Variants in TBCK observed in about 807,000 individuals in gnomAD.
The protein encoded by TBCK is TBC1 domain containing kinase.
Under a neutral mutation model 113.4 loss-of-function variants are expected in TBCK, and 99 were observed. The ratio of observed to expected loss-of-function variants is 0.87; its 90% CI spans 0.74 to 1.03. The LOEUF (loss-of-function observed/expected upper bound fraction) is 1.03, where lower values mean the gene tolerates loss of function less well. Among genes scored for constraint, TBCK ranks in the 50% least tolerant of loss-of-function variants. The pLI is 0.00. For synonymous variants in TBCK, 369 were observed against 370.8 expected (o/e 1.00, Z 0.05); for missense variants, 1,045 against 1,061.3 (o/e 0.98, Z 0.21).
At chr4:106,073,128 C>T (rs1248407785) in intron 25 of TBCK, among the ~76,000 whole-genome samples, 4 of 152,276 alleles carry the variant, frequency 2.6e-5, no homozygotes, top group Middle Eastern at 6.8e-3. Context: ...CTCCGTCCAC[C>T]TTTGTTCTGT....
chr4:106,268,545 T>C (rs943393044), intron 3 of TBCK, among the ~76,000 whole-genome samples: 1 of 152,144 alleles, frequency 6.6e-6, no homozygotes, highest in Non-Finnish European at 1.5e-5. Context: ...ATAGAATGTA[T>C]AATCTTTTAG....
chr4:106,269,913 C>G (rs891097669), intron 3 of TBCK, among the ~76,000 whole-genome samples: 2 of 152,152 alleles, frequency 1.3e-5, no homozygotes, highest in African/African-American at 4.8e-5. Context: ...GAGGTTCAGA[C>G]ATAAAGCCAG....
At chr4:106,219,829 T>G (rs1757461016) in intron 19 of TBCK, among the ~76,000 whole-genome samples, 1 of 152,118 alleles carries the variant, frequency 6.6e-6, no homozygotes, top group Non-Finnish European at 1.5e-5. Flanking sequence ...GACAACCTCA[T>G]TTTTTTGAAA....
rs372250603 is a variant in TBCK at position 106,129,250 on chromosome 4, T to C, written c.2236-12872A>G. On this transcript the variant is annotated intron_variant, in intron 23 of 25. Transcript: ENST00000394708. ...CACCTATTGACCCATCACCTAGGTA[T>C]TAAGCCCCATATGCATTAGCTATTT... Among the ~76,000 whole-genome samples the C allele has an allele frequency of 4.6e-5, 7 of 152,174 alleles. No individual in the cohort carries two copies. The East Asian group carries it at 1.3e-3, about 29-fold the overall frequency.
At chr4:106,208,453 T>C (rs1755780520) in intron 20 of TBCK, among the ~76,000 whole-genome samples, 2 of 150,754 alleles carry the variant, frequency 1.3e-5, no homozygotes, top group South Asian at 4.3e-4. Context: ...CACAAACCAA[T>C]TAGCACATAC....
At chr4:106,176,812 T>A (rs1454091213) in intron 22 of TBCK, among the ~76,000 whole-genome samples, 1 of 151,998 alleles carries the variant, frequency 6.6e-6, no homozygotes, top group Non-Finnish European at 1.5e-5. Context: ...TGTACTAACA[T>A]CCCACTTTCT....
chr4:106,104,277 T>C (rs1741886473), intron 24 of TBCK, among the ~76,000 whole-genome samples: 1 of 152,208 alleles, frequency 6.6e-6, no homozygotes, highest in African/African-American at 2.4e-5. Context: ...ACCTACTGGC[T>C]TGGGATCCAG....
chr4:106,210,173 A>AC (rs1019324529), intron 20 of TBCK, among the ~76,000 whole-genome samples: 1 of 152,200 alleles, frequency 6.6e-6, no homozygotes, highest in African/African-American at 2.4e-5. Flanking sequence ...GACAAAAGAC[A>AC]GATTTACTAA....
chr4:106,231,047 G>A (rs1758802378), intron 18 of TBCK, among the ~76,000 whole-genome samples: 2 of 151,650 alleles, frequency 1.3e-5, no homozygotes, highest in African/African-American at 2.4e-5. Flanking sequence ...TCCAGAAACC[G>A]ATGCAAATTC....
intron 25 of TBCK, among the ~76,000 whole-genome samples, chr4:106,068,122 T>C (rs920894719): frequency 2.6e-5 from 4 of 152,168 alleles, no homozygotes; most frequent in Non-Finnish European, 5.9e-5. Context: ...GATGTCTATC[T>C]ATTTAGATAT....
rs556067319 is a variant in TBCK, at chr4:106,114,640, C to T, written c.2411+1563G>A. Among the ~76,000 whole-genome samples, 27 of 152,226 alleles carry T rather than the reference C, an allele frequency of 1.8e-4. No homozygotes were observed. In the East Asian group the frequency reaches 2.7e-3, roughly 15 times the overall value. On this transcript the variant is annotated intron_variant, in intron 24 of 25. Transcript: ENST00000394708. Reference sequence around the variant, plus strand: ...TGACTGCATTCTTACATCCGTTGTTCGGCCAGGGTCTGCAGATTGGACCTG... The same window carrying T: ...TGACTGCATTCTTACATCCGTTGTTTGGCCAGGGTCTGCAGATTGGACCTG...
chr4:106,283,758 GA>G lies in TBCK; in HGVS notation c.266+11335del, dbSNP rs370844286. On this transcript the variant is annotated intron_variant, in intron 3 of 25. Transcript: ENST00000394708. Reference sequence around the variant, plus strand: ...TAATAAGATGCCTTTTCCTCTGGGGGAAAAAAAAAAAGAAATGGAGAACCTC... The same window carrying G: ...TAATAAGATGCCTTTTCCTCTGGGGGAAAAAAAAAAGAAATGGAGAACCTC... Among the ~76,000 whole-genome samples, 399 of 144,238 alleles carry G rather than the reference GA, an allele frequency of 2.8e-3. 1 individual carries two copies. The highest frequency in any genetic ancestry group is 7.3e-3 in the African/African-American group (289 of 39,688). 94.6% of individuals were successfully genotyped at this position (144,238 alleles called of 152,430 possible). A position where few individuals can be genotyped will look rare whatever the true frequency, so the allele number is the denominator to read the frequency against.
At chr4:106,145,950 T>A (rs1747744102) in intron 23 of TBCK, among the ~76,000 whole-genome samples, 1 of 151,876 alleles carries the variant, frequency 6.6e-6, no homozygotes, top group African/African-American at 2.4e-5. Flanking sequence ...TTTGTGGGAG[T>A]AAAAATGAGT....
chr4:106,310,694 T>C (rs1768109555), intron 1 of TBCK: 1 of 152,170 alleles, frequency 6.6e-6, no homozygotes, highest in Non-Finnish European at 1.5e-5. Flanking sequence ...TCAATAAGCC[T>C]GTCCATATAT....
At chr4:106,246,880 T>C (rs1028428925) in intron 10 of TBCK, among the ~76,000 whole-genome samples, 1 of 152,094 alleles carries the variant, frequency 6.6e-6, no homozygotes, top group Non-Finnish European at 1.5e-5. Context: ...AGACAGGATA[T>C]CTCTACGTTG....
intron 3 of TBCK, among the ~76,000 whole-genome samples, chr4:106,287,065 A>C (rs1765186452): frequency 6.6e-6 from 1 of 152,182 alleles, no homozygotes; most frequent in African/African-American, 2.4e-5. Context: ...TGATGACCAG[A>C]GGACTGCTCT....
chr4:106,217,313 A>G (rs1203863601), intron 19 of TBCK, among the ~76,000 whole-genome samples: 3 of 152,204 alleles, frequency 2.0e-5, no homozygotes, highest in Non-Finnish European at 4.4e-5. Flanking sequence ...GGCACAAGAC[A>G]GGGATGACCT....
At chr4:106,147,870 TCTTC>T (rs1298083116) in intron 23 of TBCK, among the ~76,000 whole-genome samples, 1 of 152,180 alleles carries the variant, frequency 6.6e-6, no homozygotes, top group Non-Finnish European at 1.5e-5. Flanking sequence ...GTCATATTTC[TCTTC>T]TTTCAAAAGC....
Position 106,230,334 on chromosome 4 carries a change from G to A in TBCK, c.1774+29C>T, listed in dbSNP as rs753919010. 6 of 1,451,870 alleles carry A rather than the reference G, an allele frequency of 4.1e-6. No individual in the cohort carries two copies. The African/African-American group carries it at 8.4e-5, about 20-fold the overall frequency. 89.9% of individuals were successfully genotyped at this position (1,451,870 alleles called of 1,614,324 possible). ...ACACCAGTACATCAGTAGTTTCTCTGTAGAAAGACATGGAAGACATTTGCT... is the reference window on the plus strand; with the variant it reads ...ACACCAGTACATCAGTAGTTTCTCTATAGAAAGACATGGAAGACATTTGCT... On this transcript the variant is annotated intron_variant, in intron 19 of 25. Coordinates refer to ENST00000394708, the MANE Select transcript of TBCK (RefSeq NM_001163435.3).
Sources: allele counts gnomAD v4.1 joint callset (sites outside exome capture counted in the v4.1 genomes callset), GRCh38; gene constraint gnomAD v4.1.1; transcripts MANE v1.5; gene names NCBI Gene and HGNC (gene_info 2026-07-23, HGNC 2026-07-21).